The following DNAH9 variants were observed in gnomAD, a reference collection of about 807,000 sequenced individuals.
DNAH9 encodes DNAH9 variant protein.
A neutral mutation model predicts 471.6 loss-of-function variants in DNAH9; 345 were observed. The observed-to-expected ratio is 0.73, with a 90% CI of 0.67 to 0.80. The LOEUF (loss-of-function observed/expected upper bound fraction) is 0.80, where lower values mean the gene tolerates loss of function less well. Among genes scored for constraint, DNAH9 ranks in the 30% least tolerant of loss-of-function variants. The pLI is 0.00. For synonymous variants in DNAH9, 2,093 were observed against 2,123.6 expected (o/e 0.99, Z 0.40); for missense variants, 5,407 against 5,609.2 (o/e 0.96, Z 1.15).
intron 52 of DNAH9, among the ~76,000 whole-genome samples, 196 bp from the exon 53 acceptor site, chr17:11,874,753 A>G (rs1972410244): frequency 8.1e-6 from 1 of 123,656 alleles, no homozygotes. Context: ...TCATCCATGG[A>G]GGGGAAAAAA....
intron 41 of DNAH9, among the ~76,000 whole-genome samples, chr17:11,792,557 A>G (rs1246115853): frequency 6.6e-6 from 1 of 152,234 alleles, no homozygotes; most frequent in Non-Finnish European, 1.5e-5. Context: ...TAGTAACAGA[A>G]AAAGATGACA....
chr17:11,871,803 T>C lies in DNAH9; in HGVS notation c.10242+17T>C. On this transcript the variant is annotated intron_variant, in intron 52 of 68. Coordinates refer to ENST00000262442, the MANE Select transcript of DNAH9 (RefSeq NM_001372.4). ...CAGCTGAAAGTACGTATGGCCTGAATTTCTCCCGACCACATCAGCCTCTGG... is the reference window on the plus strand; with the variant it reads ...CAGCTGAAAGTACGTATGGCCTGAACTTCTCCCGACCACATCAGCCTCTGG... 1 of 1,612,414 alleles carries C rather than the reference T, an allele frequency of 6.2e-7. No individual in the cohort carries two copies. The highest frequency in any genetic ancestry group is 8.5e-7 in the Non-Finnish European group (1 of 1,178,834).
chr17:11,762,758 G>GTTTTTTTTGTTGTTTT (rs1967733702), intron 35 of DNAH9, among the ~76,000 whole-genome samples: 1 of 94,788 alleles, frequency 1.1e-5, no homozygotes, highest in African/African-American at 3.8e-5. Flanking sequence ...CTTTAGGTGC[G>GTTTTTTTTGTTGTTTT]TTTTTTTTTT....
At position 11,679,674 on chromosome 17, in the gene DNAH9, T is replaced by A. The variant is rs2074100888; in HGVS notation, c.3354-83T>A. The A allele has an allele frequency of 4.2e-6, 4 of 959,606 alleles. No homozygotes were observed. In the South Asian group the frequency reaches 5.4e-5, roughly 13 times the overall value. The allele number at this position is 959,606 out of a possible 1,614,324, so 59.4% of individuals were successfully genotyped here. On this transcript the variant is annotated intron_variant, in intron 17 of 68. Transcript: ENST00000262442. ...GTGGTAGGATTTTCATAATGATAGATATTTTTGTTGGGGAAATCAATACAT... is the reference window on the plus strand; with the variant it reads ...GTGGTAGGATTTTCATAATGATAGAAATTTTTGTTGGGGAAATCAATACAT...
intron 8 of DNAH9, among the ~76,000 whole-genome samples, chr17:11,635,716 T>C (rs977102073): frequency 9.2e-5 from 14 of 152,118 alleles, no homozygotes; most frequent in Non-Finnish European, 1.6e-4. Context: ...AGAAACACAG[T>C]CTAGGAGCCA....
intron 49 of DNAH9, among the ~76,000 whole-genome samples, chr17:11,847,978 C>T (rs1971285439): frequency 6.6e-6 from 1 of 151,590 alleles, no homozygotes; most frequent in Non-Finnish European, 1.5e-5. Context: ...CTCTCTGTCT[C>T]TGTCTCTCCA....
intron 50 of DNAH9, among the ~76,000 whole-genome samples, chr17:11,865,747 G>C (rs9891315): frequency 0.87 from 121,958 of 140,662 alleles, 52,797 homozygotes; most frequent in Non-Finnish European, 0.9. Context: ...CTAAACTTCC[G>C]TTCTCACTTC....
In DNAH9 at chr17:11,619,952, A is replaced by G. The variant is rs539932409; in HGVS notation, c.1350+171A>G. On this transcript the variant is annotated intron_variant, in intron 6 of 68. Transcript: ENST00000262442. ...GCCAGTCACAGTGGCTCATGCCTGT[A>G]ATCCCACTAGCACTTTGGGAGGCAA... The G allele has an allele frequency of 1.0e-5, 6 of 596,712 alleles. No homozygotes were observed. The South Asian group carries it at 1.2e-4, about 12-fold the overall frequency. The allele number at this position is 596,712 out of a possible 1,614,324, so 37.0% of individuals were successfully genotyped here. A position where few individuals can be genotyped will look rare whatever the true frequency, so the allele number is the denominator to read the frequency against.
chr17:11,648,249 G>A (rs1033659515), intron 12 of DNAH9, among the ~76,000 whole-genome samples: 1 of 152,134 alleles, frequency 6.6e-6, no homozygotes, highest in Non-Finnish European at 1.5e-5. Flanking sequence ...TGTCTTTCAA[G>A]AAAATTGCAA....
intron 19 of DNAH9, among the ~76,000 whole-genome samples, chr17:11,688,082 C>CAA (rs145792851): frequency 0.33 from 19,156 of 58,846 alleles, 4,266 homozygotes; most frequent in Admixed American, 0.41. Flanking sequence ...TGCAGTAAGC[C>CAA]AAAAAAAAAA....
chr17:11,619,460 C>T (rs2072809583), intron 5 of DNAH9, 88 bp from the exon 6 acceptor site: 1 of 762,160 alleles, frequency 1.3e-6, no homozygotes, highest in African/African-American at 1.7e-5. Flanking sequence ...AAAAATATTA[C>T]TGGGGCAATG....
intron 67 of DNAH9, among the ~76,000 whole-genome samples, chr17:11,952,894 GC>G (rs1975442680): frequency 6.6e-6 from 1 of 152,136 alleles, no homozygotes; most frequent in African/African-American, 2.4e-5. Flanking sequence ...CAAAGTCTAA[GC>G]TCAAGCACCG....
chr17:11,781,848 C>A (rs8079138), intron 39 of DNAH9, among the ~76,000 whole-genome samples: 57,710 of 120,444 alleles, frequency 0.48, 14,524 homozygotes, highest in African/African-American at 0.74. Flanking sequence ...AAAAAACAAA[C>A]AAAAAAAAAA....
chr17:11,734,552 A>G (rs945024515), intron 28 of DNAH9, among the ~76,000 whole-genome samples: 20 of 152,196 alleles, frequency 1.3e-4, no homozygotes, highest in African/African-American at 4.8e-4. Context: ...GACTGAGGCC[A>G]GTTTGTCCCA....
At chr17:11,606,796 GTTACCA>G (rs1486856326) in intron 1 of DNAH9, among the ~76,000 whole-genome samples, 2 of 152,058 alleles carry the variant, frequency 1.3e-5, no homozygotes, top group African/African-American at 4.8e-5. Flanking sequence ...CTCAAACAAA[GTTACCA>G]AGACTTGGTC....
intron 29 of DNAH9, among the ~76,000 whole-genome samples, chr17:11,740,589 A>G (rs2075418049): frequency 6.6e-6 from 1 of 152,214 alleles, no homozygotes; most frequent in Non-Finnish European, 1.5e-5. Flanking sequence ...TTTAGTCCAT[A>G]ACACATACCC....
intron 38 of DNAH9, among the ~76,000 whole-genome samples, chr17:11,769,709 G>A (rs1303342617): frequency 6.6e-6 from 1 of 152,206 alleles, no homozygotes; most frequent in Non-Finnish European, 1.5e-5. Context: ...TCTCTCATAT[G>A]TTATGGGTGG....
intron 17 of DNAH9, among the ~76,000 whole-genome samples, 187 bp downstream of exon 17, chr17:11,669,981 A>T (rs368747140): frequency 6.6e-6 from 1 of 152,184 alleles, no homozygotes; most frequent in African/African-American, 2.4e-5. Context: ...TGTTCACCAG[A>T]TAAGGCCTCT....
rs753020827 is a variant in DNAH9, at chr17:11,752,807, A to G, written c.6611-26A>G. 1.4e-5 allele frequency: 21 copies of G among 1,525,452 alleles called. No homozygotes were observed. In the Admixed American group the frequency reaches 4.4e-4, roughly 32 times the overall value. The allele number at this position is 1,525,452 out of a possible 1,614,324, so 94.5% of individuals were successfully genotyped here. ...AAAGAGGATTAATGAAGAAATGGAA[A>G]ATAAGGTGTCAGTGGTTCCTTTTAG... On this transcript the variant is annotated intron_variant, in intron 32 of 68. Transcript: ENST00000262442.
Sources: gnomAD v4.1 joint callset for allele counts (sites outside exome capture counted in the v4.1 genomes callset) on GRCh38, gnomAD v4.1.1 for gene constraint, MANE v1.5 for transcripts, NCBI Gene and HGNC (gene_info 2026-07-23, HGNC 2026-07-21) for gene names.